The following UMAD1 variants were observed in gnomAD, a reference collection of about 807,000 sequenced individuals.
UMAD1 encodes UBAP1-MVB12-associated (UMA)-domain containing protein 1.
A neutral mutation model predicts 6.1 loss-of-function variants in UMAD1; 8 were observed. The observed-to-expected ratio is 1.30, with a 90% confidence interval of 0.76 to 2.35. The LOEUF (loss-of-function observed/expected upper bound fraction) is 2.35, where lower values mean the gene tolerates loss of function less well. Ranked by LOEUF, UMAD1 falls within the 30% of genes most tolerant of loss-of-function variation. The probability of loss-of-function intolerance (pLI) is 0.00; values close to 1 mark genes in which losing one functional copy is unlikely to be tolerated. For synonymous variants in UMAD1, 56 were observed against 31.4 expected, an observed-to-expected ratio of 1.78 and a Z score of -2.61; for missense variants, 130 against 78.4, an observed-to-expected ratio of 1.66 and a Z score of -2.49.
At chr7:7,767,912 A>G (rs1782021405) in intron 2 of UMAD1, among the ~76,000 whole-genome samples, 1 of 152,168 alleles carries the variant, frequency 6.6e-6, no homozygotes, top group South Asian at 2.1e-4. Context: ...TTGCTTCTTC[A>G]TTCTAGGAAT....
chr7:7,682,408 A>G (rs1779934011), intron 2 of UMAD1, among the ~76,000 whole-genome samples: 1 of 152,158 alleles, frequency 6.6e-6, no homozygotes, highest in African/African-American at 2.4e-5. Flanking sequence ...ACCAAACCAC[A>G]TATACATACT....
chr7:7,666,159 C>T (rs1301862394), intron 1 of UMAD1, among the ~76,000 whole-genome samples: 1 of 151,562 alleles, frequency 6.6e-6, no homozygotes, highest in Non-Finnish European at 1.5e-5. Context: ...TATCTTTGCC[C>T]TTTGCCAACA....
intron 2 of UMAD1, among the ~76,000 whole-genome samples, chr7:7,692,179 G>A (rs868699310): frequency 2.0e-5 from 3 of 152,126 alleles, no homozygotes; most frequent in Non-Finnish European, 4.4e-5. Context: ...ACTCTGGAAA[G>A]CAGCTAGTCA....
intron 1 of UMAD1, among the ~76,000 whole-genome samples, chr7:7,662,293 T>G (rs1321079369): frequency 6.6e-6 from 1 of 152,146 alleles, no homozygotes; most frequent in Non-Finnish European, 1.5e-5. Context: ...CTCCCTGGCT[T>G]CAGCCCCCTT....
intron 3 of UMAD1, among the ~76,000 whole-genome samples, chr7:7,836,955 T>TAA (rs35860331): frequency 7.5e-5 from 11 of 145,910 alleles, no homozygotes; most frequent in South Asian, 6.5e-4. Flanking sequence ...CCAAAACTAT[T>TAA]AAAAAAAAAA....
intron 2 of UMAD1, 92 bp from the exon 3 acceptor site, chr7:7,801,578 T>G: frequency 1.5e-6 from 1 of 645,794 alleles, no homozygotes; most frequent in Admixed American, 2.6e-5. Flanking sequence ...GTGAAACATA[T>G]AATAACAAAA....
intron 2 of UMAD1, 97 bp downstream of exon 2, chr7:7,673,550 A>T (rs1779665321): frequency 1.6e-6 from 1 of 643,002 alleles, no homozygotes; most frequent in South Asian, 1.8e-5. Flanking sequence ...ATTTCTTATA[A>T]TTTCAGAATT....
At chr7:7,757,450 G>A (rs979008367) in intron 2 of UMAD1, among the ~76,000 whole-genome samples, 1 of 152,132 alleles carries the variant, frequency 6.6e-6, no homozygotes, top group African/African-American at 2.4e-5. Context: ...TTTTTTAAGA[G>A]AGTGATCTAT....
chr7:7,848,447 A>G (rs1563257143), intron 3 of UMAD1, among the ~76,000 whole-genome samples: 1 of 152,166 alleles, frequency 6.6e-6, no homozygotes, highest in African/African-American at 2.4e-5. Context: ...TCTGGTGTCT[A>G]AAGTGTTCAC....
chr7:7,653,674 C>T (rs994010648), intron 1 of UMAD1, among the ~76,000 whole-genome samples: 3 of 152,218 alleles, frequency 2.0e-5, no homozygotes, highest in Admixed American at 1.3e-4. Flanking sequence ...GTCTGACGCT[C>T]CCAGACCTAG....
chr7:7,846,033 C>A (rs1020029492), intron 3 of UMAD1, among the ~76,000 whole-genome samples: 3 of 152,088 alleles, frequency 2.0e-5, no homozygotes, highest in African/African-American at 7.2e-5. Context: ...GAGATTTACT[C>A]AATCATAGTA....
chr7:7,705,875 G>A (rs945631412), intron 2 of UMAD1, among the ~76,000 whole-genome samples: 5 of 152,096 alleles, frequency 3.3e-5, no homozygotes, highest in Admixed American at 2.0e-4. Context: ...ATGGGGGAGG[G>A]TGTGCATGTG....
chr7:7,813,579 G>A (rs1459884728), intron 3 of UMAD1, among the ~76,000 whole-genome samples: 2 of 140,124 alleles, frequency 1.4e-5, no homozygotes, highest in African/African-American at 5.5e-5. Context: ...CACAGTGATA[G>A]TGTACTGAAG....
At chr7:7,696,900 A>T (rs923599005) in intron 2 of UMAD1, among the ~76,000 whole-genome samples, 7 of 151,954 alleles carry the variant, frequency 4.6e-5, no homozygotes. Context: ...TAAGAATAAC[A>T]TAAGACTAGT....
intron 1 of UMAD1, among the ~76,000 whole-genome samples, chr7:7,661,768 T>C (rs1785480741): frequency 6.6e-6 from 1 of 152,086 alleles, no homozygotes; most frequent in Admixed American, 6.5e-5. Flanking sequence ...TGTCTCCCAG[T>C]CAGGAGACAT....
At chr7:7,868,367 C>G (rs1040591554) in intron 3 of UMAD1, 1 of 152,120 alleles carries the variant, frequency 6.6e-6, no homozygotes, top group Non-Finnish European at 1.5e-5. Flanking sequence ...TTCAGACAAA[C>G]CACTTTTCCA....
intron 3 of UMAD1, among the ~76,000 whole-genome samples, chr7:7,859,458 C>A (rs1278483559): frequency 1.3e-5 from 2 of 152,080 alleles, no homozygotes; most frequent in African/African-American, 4.8e-5. Context: ...TAATTACTTT[C>A]TTTCTATTGT....
At chr7:7,846,611 T>G (rs184909932) in intron 3 of UMAD1, among the ~76,000 whole-genome samples, 20 of 149,450 alleles carry the variant, frequency 1.3e-4, no homozygotes, top group African/African-American at 5.1e-4. Context: ...AATTTTGATA[T>G]GTTTTGATGG....
chr7:7,719,613 T>G (rs1281742099), intron 2 of UMAD1, among the ~76,000 whole-genome samples: 1 of 152,084 alleles, frequency 6.6e-6, no homozygotes, highest in Admixed American at 6.6e-5. Flanking sequence ...TTCAGAGAGT[T>G]GAGCTATAGA....
Sources: gnomAD v4.1 joint callset for allele counts (sites outside exome capture counted in the v4.1 genomes callset) on GRCh38, gnomAD v4.1.1 for gene constraint, MANE v1.5 for transcripts, NCBI Gene and HGNC (gene_info 2026-07-23, HGNC 2026-07-21) for gene names.